MACROD2: variants seen among roughly 807,000 people sequenced by gnomAD.
MACROD2 encodes the protein ADP-ribose glycohydrolase MACROD2.
In MACROD2, 36 loss-of-function variants were observed where a neutral mutation model predicts 70.4. The ratio of observed to expected loss-of-function variants is 0.51; its 90% CI spans 0.39 to 0.68. MACROD2 has a LOEUF of 0.68. Among genes scored for constraint, MACROD2 ranks in the 30% least tolerant of loss-of-function variants. The pLI, the probability that MACROD2 is intolerant of heterozygous loss-of-function variation, is 0.00. For missense variants in MACROD2, 496 were observed against 538.4 expected (o/e 0.92, Z 0.78); for synonymous variants, 172 against 178.8 (o/e 0.96, Z 0.30).
At chr20:14,302,741 C>T (rs556623162) in intron 3 of MACROD2, among the ~76,000 whole-genome samples, 5 of 151,924 alleles carry the variant, frequency 3.3e-5, no homozygotes, top group South Asian at 4.2e-4. Flanking sequence ...CTGCAACCTC[C>T]GCCTGCCAGG....
chr20:15,295,101 G>T (rs1401701358), intron 6 of MACROD2, among the ~76,000 whole-genome samples: 2 of 152,170 alleles, frequency 1.3e-5, no homozygotes, highest in African/African-American at 4.8e-5. Context: ...TCATGGTAGT[G>T]AATAAGTCTT....
At chr20:15,352,046 A>C (rs1391851684) in intron 6 of MACROD2, among the ~76,000 whole-genome samples, 1 of 152,194 alleles carries the variant, frequency 6.6e-6, no homozygotes, top group Admixed American at 6.5e-5. Flanking sequence ...TTAAATTAGG[A>C]GATCATCTGG....
intron 8 of MACROD2, among the ~76,000 whole-genome samples, chr20:15,513,953 G>A (rs6079864): frequency 7.2e-5 from 11 of 152,260 alleles, no homozygotes; most frequent in Admixed American, 5.2e-4. Context: ...TGTGGGCCTA[G>A]GCTAATGAGT....
intron 3 of MACROD2, among the ~76,000 whole-genome samples, chr20:14,463,886 A>C (rs1341481384): frequency 6.6e-6 from 1 of 152,004 alleles, no homozygotes; most frequent in African/African-American, 2.4e-5. Flanking sequence ...GATGAAGCCC[A>C]CTAGATCATG....
chr20:15,960,451 A>G (rs1398586002), intron 12 of MACROD2, among the ~76,000 whole-genome samples: 1 of 152,308 alleles, frequency 6.6e-6, no homozygotes, highest in African/African-American at 2.4e-5. Context: ...ATGAAGGACT[A>G]TCTTGGTTTT....
chr20:14,615,137 CTT>C (rs1983402086), intron 4 of MACROD2, among the ~76,000 whole-genome samples: 5 of 152,042 alleles, frequency 3.3e-5, no homozygotes, highest in Admixed American at 3.3e-4. Flanking sequence ...TCTTCAGAGT[CTT>C]AAGTTGGGCT....
intron 5 of MACROD2, among the ~76,000 whole-genome samples, chr20:14,947,920 T>C (rs990900438): frequency 2.6e-5 from 4 of 152,136 alleles, no homozygotes; most frequent in African/African-American, 9.6e-5. Flanking sequence ...ACAACAAAAA[T>C]AGGAAGTCCT....
At chr20:15,227,135 A>G (rs2076914035) in intron 5 of MACROD2, among the ~76,000 whole-genome samples, 1 of 152,206 alleles carries the variant, frequency 6.6e-6, no homozygotes, top group Non-Finnish European at 1.5e-5. Context: ...TACAAAGATC[A>G]ATATTTTAAT....
intron 6 of MACROD2, among the ~76,000 whole-genome samples, chr20:15,234,687 A>G (rs2076998275): frequency 6.6e-6 from 1 of 152,136 alleles, no homozygotes; most frequent in Non-Finnish European, 1.5e-5. Flanking sequence ...ATCCTTGGCT[A>G]TATATATCTA....
chr20:15,464,932 C>T (rs1404652276), intron 7 of MACROD2, among the ~76,000 whole-genome samples: 1 of 152,152 alleles, frequency 6.6e-6, no homozygotes, highest in Non-Finnish European at 1.5e-5. Context: ...CTGGGTAGGA[C>T]TGACACTCCT....
At chr20:15,454,532 T>C (rs6131671) in intron 7 of MACROD2, among the ~76,000 whole-genome samples, 1 of 152,070 alleles carries the variant, frequency 6.6e-6, no homozygotes, top group African/African-American at 2.4e-5. Flanking sequence ...TGAATCGATA[T>C]GCAGGTCTTC....
chr20:14,525,725 G>A (rs1461355831), intron 4 of MACROD2, among the ~76,000 whole-genome samples: 2 of 152,222 alleles, frequency 1.3e-5, no homozygotes, highest in African/African-American at 4.8e-5. Flanking sequence ...TGCCATTTAG[G>A]TATGTTAGTT....
At position 14,107,942 on chromosome 20, in the gene MACROD2, A is replaced by G. The variant is rs192139006; in HGVS notation, c.271+22214A>G. On this transcript the variant is annotated intron_variant, in intron 3 of 17. Transcript: ENST00000684519. ...CAATAATAAATTATCTGAAGGTACA[A>G]AATTCACTGGTAATAGCGCACAGAA... Among the ~76,000 whole-genome samples, 160 of 152,294 alleles carry G rather than the reference A, an allele frequency of 1.1e-3. No homozygotes were observed. In the Middle Eastern group the frequency reaches 0.02, roughly 19 times the overall value.
At chr20:14,267,011 C>T (rs897150874) in intron 3 of MACROD2, among the ~76,000 whole-genome samples, 3 of 152,068 alleles carry the variant, frequency 2.0e-5, no homozygotes, top group Admixed American at 6.5e-5. Flanking sequence ...CAAGTGATGA[C>T]TTTGGGCTAG....
At chr20:15,697,086 G>A (rs747067810) in intron 8 of MACROD2, among the ~76,000 whole-genome samples, 5 of 151,600 alleles carry the variant, frequency 3.3e-5, no homozygotes, top group African/African-American at 7.3e-5. Flanking sequence ...ATTTCCTTTC[G>A]TCTGCGGGTT....
intron 15 of MACROD2, among the ~76,000 whole-genome samples, chr20:16,021,281 G>A (rs1266665097): frequency 6.6e-6 from 1 of 152,116 alleles, no homozygotes; most frequent in Non-Finnish European, 1.5e-5. Flanking sequence ...TTCTCTCCTG[G>A]ACATTGCCTC....
intron 7 of MACROD2, among the ~76,000 whole-genome samples, chr20:15,482,562 A>G (rs987452827): frequency 2.6e-5 from 4 of 152,218 alleles, no homozygotes; most frequent in Non-Finnish European, 5.9e-5. Context: ...CAAAGGGGGT[A>G]AACTCTTTTG....
chr20:15,041,633 G>C (rs888047245), intron 5 of MACROD2, among the ~76,000 whole-genome samples: 1 of 151,962 alleles, frequency 6.6e-6, no homozygotes, highest in African/African-American at 2.4e-5. Context: ...TTGTAGTGAT[G>C]GGATCTCCCT....
chr20:15,691,019 A>G (rs1440286634), intron 8 of MACROD2, among the ~76,000 whole-genome samples: 1 of 152,202 alleles, frequency 6.6e-6, no homozygotes, highest in Non-Finnish European at 1.5e-5. Flanking sequence ...GCCCCAAAAG[A>G]TTAAGCAACT....
Sources: allele counts gnomAD v4.1 joint callset (sites outside exome capture counted in the v4.1 genomes callset), GRCh38; gene constraint gnomAD v4.1.1; transcripts MANE v1.5; gene names NCBI Gene and HGNC (gene_info 2026-07-23, HGNC 2026-07-21).